The following TRAPPC9 variants were observed in gnomAD, a reference collection of about 807,000 sequenced individuals.
The protein encoded by TRAPPC9 is trafficking protein particle complex subunit 9.
In TRAPPC9, 83 loss-of-function variants were observed where a neutral mutation model predicts 124.0. That is an observed-to-expected ratio of 0.67 (90% confidence interval 0.56 to 0.80). The LOEUF (loss-of-function observed/expected upper bound fraction) is 0.80, where lower values mean the gene tolerates loss of function less well. Ranked by LOEUF, TRAPPC9 falls within the 30% of genes least tolerant of loss-of-function variation. The pLI is 0.00. For synonymous variants in TRAPPC9, 638 were observed against 617.5 expected, an observed-to-expected ratio of 1.03 and a Z score of -0.49; for missense variants, 1,302 against 1,508.3, an observed-to-expected ratio of 0.86 and a Z score of 2.27.
At chr8:140,083,951 G>A (rs534950522) in intron 17 of TRAPPC9, among the ~76,000 whole-genome samples, 5 of 152,054 alleles carry the variant, frequency 3.3e-5, no homozygotes, top group Non-Finnish European at 5.9e-5. Flanking sequence ...AGGCATGAGC[G>A]CCGCACCTGG....
chr8:140,107,762 G>A (rs1041185239), intron 17 of TRAPPC9, among the ~76,000 whole-genome samples: 1 of 152,194 alleles, frequency 6.6e-6, no homozygotes, highest in Admixed American at 6.5e-5. Context: ...ACTGGCCAAG[G>A]GTATGGGCTT....
In TRAPPC9 at chr8:139,747,190, C is replaced by G. The variant is rs952351900; in HGVS notation, c.3056-14988G>C. Among the ~76,000 whole-genome samples, 5 of 152,246 alleles carry G rather than the reference C, an allele frequency of 3.3e-5. No homozygotes were observed. The South Asian group carries it at 1.0e-3, about 32-fold the overall frequency. ...AAAGACTCTCGCCACCCAGGCAGGC[C>G]CCCCGCCCCCACCGCTCTGTGTGGC... On this transcript the variant is annotated intron_variant, in intron 21 of 22. Coordinates refer to ENST00000438773, the MANE Select transcript of TRAPPC9 (RefSeq NM_001160372.4).
intron 17 of TRAPPC9, among the ~76,000 whole-genome samples, chr8:140,188,254 T>A (rs2131061602): frequency 6.6e-6 from 1 of 152,340 alleles, no homozygotes; most frequent in Non-Finnish European, 1.5e-5. Context: ...ATCCCTGGTA[T>A]CCATAAGTAG....
chr8:140,376,892 A>AAT (rs397947948), intron 7 of TRAPPC9, among the ~76,000 whole-genome samples: 1 of 141,354 alleles, frequency 7.1e-6, no homozygotes, highest in African/African-American at 2.7e-5. Context: ...AAAAAAAAAA[A>AAT]TCACAGTGTT....
chr8:140,342,689 G>A (rs1345338835), intron 9 of TRAPPC9, among the ~76,000 whole-genome samples: 2 of 151,942 alleles, frequency 1.3e-5, no homozygotes, highest in African/African-American at 4.8e-5. Flanking sequence ...GCAAATCGAA[G>A]GTCCAAAGAA....
chr8:140,238,213 A>G (rs2063768503), intron 16 of TRAPPC9: 1 of 152,238 alleles, frequency 6.6e-6, no homozygotes. Context: ...CTGATGAATG[A>G]CAAACACCTG....
chr8:139,851,373 A>G (rs1827445058), intron 21 of TRAPPC9, among the ~76,000 whole-genome samples: 1 of 152,198 alleles, frequency 6.6e-6, no homozygotes. Context: ...AACTCAAAAG[A>G]TAGATGCTGA....
At chr8:140,261,849 G>A (rs895186812) in intron 15 of TRAPPC9, among the ~76,000 whole-genome samples, 1 of 152,108 alleles carries the variant, frequency 6.6e-6, no homozygotes, top group Non-Finnish European at 1.5e-5. Flanking sequence ...GGCTTGTAAT[G>A]GAGACATGAA....
At chr8:140,038,864 A>G (rs1365860487) in intron 17 of TRAPPC9, among the ~76,000 whole-genome samples, 1 of 152,228 alleles carries the variant, frequency 6.6e-6, no homozygotes, top group Non-Finnish European at 1.5e-5. Flanking sequence ...TGCAAGCCAC[A>G]GCCTCAGATG....
At position 140,252,333 on chromosome 8, in the gene TRAPPC9, G is replaced by T. The variant is rs2064150512; in HGVS notation, c.2431+444C>A. Among the ~76,000 whole-genome samples the T allele has an allele frequency of 1.3e-5, 2 of 152,040 alleles. No homozygotes were observed. Among genetic ancestry groups the T allele is most frequent in the Non-Finnish European group, 2.9e-5 (2 of 67,986 alleles). The stretch of plus-strand genomic sequence containing the variant: ...GAGCCATCACACCCAGCCAATCTAT[G>T]AAATCTTATCTCTAATCAGTCCTAA... On this transcript the variant is annotated intron_variant, in intron 16 of 22. Transcript: ENST00000438773. This position sits in a 1 kb window ranked among gnomAD's most constrained non-coding sequence, Gnocchi z 4.2.
intron 17 of TRAPPC9, among the ~76,000 whole-genome samples, chr8:140,149,239 C>T (rs887051653): frequency 3.9e-5 from 6 of 152,112 alleles, no homozygotes; most frequent in South Asian, 4.1e-4. Flanking sequence ...ATGGTCAGCA[C>T]GGGCCTAGAA....
intron 17 of TRAPPC9, among the ~76,000 whole-genome samples, chr8:140,211,730 T>C (rs947007595): frequency 2.0e-5 from 3 of 152,236 alleles, no homozygotes; most frequent in Admixed American, 6.5e-5. Flanking sequence ...CTTTACTGCC[T>C]TGCTTTGCCT....
intron 21 of TRAPPC9, among the ~76,000 whole-genome samples, chr8:139,816,045 T>C (rs1563835795): frequency 6.6e-6 from 1 of 152,142 alleles, no homozygotes; most frequent in Admixed American, 6.5e-5. Context: ...GCTTAACCAC[T>C]GGAGAAACTG....
intron 9 of TRAPPC9, among the ~76,000 whole-genome samples, chr8:140,355,559 T>TA (rs2067715571): frequency 1.3e-5 from 2 of 151,800 alleles, no homozygotes; most frequent in Non-Finnish European, 2.9e-5. Context: ...TGGTAGACCT[T>TA]AAAAAGAGAA....
At position 140,024,004 on chromosome 8, in the gene TRAPPC9, G is replaced by C. The variant is rs560367397; in HGVS notation, c.2632C>G (p.Leu878Val). The change falls in exon 18 of 23, where the codon CTG becomes GTG. Residue 878 changes from leucine (L) to valine (V), a missense_variant. This residue lies in a region of TRAPPC9 where 640 missense variants were observed against 679.3 expected (regional missense o/e 0.94). Coordinates refer to ENST00000438773, the MANE Select transcript of TRAPPC9 (RefSeq NM_001160372.4). ...HTEGYYRNLSLGLHVEVEPSV... is the reference protein window; with the variant it reads ...HTEGYYRNLSVGLHVEVEPSV... ...GGCTCGACTTCTACATGCAGCCCCA[G>C]GGAGAGATTCCTGTAATATCCTTCA... 12 of 1,614,170 alleles carry C rather than the reference G, an allele frequency of 7.4e-6. No individual in the cohort carries two copies. The highest frequency in any genetic ancestry group is 1.7e-5 in the Admixed American group (1 of 60,028).
In TRAPPC9 at chr8:139,825,215, G is replaced by T. The variant is rs1825540135; in HGVS notation, c.3055+60664C>A. 6.6e-6 allele frequency among the ~76,000 whole-genome samples: 1 copy of T among 152,320 alleles called. No individual in the cohort carries two copies. Among genetic ancestry groups the T allele is most frequent in the Non-Finnish European group, 1.5e-5 (1 of 68,028 alleles). ...CAAGGCAGAGCTAGAGCCCAACAGG[G>T]CAGCCCACGCAGGGTGGGCAGAGAA... On this transcript the variant is annotated intron_variant, in intron 21 of 22. Transcript: ENST00000438773. The surrounding 1 kb of genome is among the most constrained non-coding windows in gnomAD (Gnocchi z 4.6).
At chr8:139,932,323 GC>G (rs780652731) in intron 19 of TRAPPC9, 9 of 457,276 alleles carry the variant, frequency 2.0e-5, no homozygotes, top group South Asian at 1.4e-4. Flanking sequence ...GTCAGGCTTG[GC>G]CACAGGTCCT....
intron 21 of TRAPPC9, among the ~76,000 whole-genome samples, chr8:139,737,538 C>T (rs1818281634): frequency 7.4e-6 from 1 of 135,476 alleles, no homozygotes; most frequent in South Asian, 2.3e-4. Flanking sequence ...CCACTGTTCT[C>T]TGGGGCTGGC....
chr8:139,996,158 CAAAAAAAAAAAAA>C, intron 18 of TRAPPC9, among the ~76,000 whole-genome samples: 5 of 19,424 alleles, frequency 2.6e-4, no homozygotes, highest in Non-Finnish European at 3.4e-4. Flanking sequence ...AAAACTTAAG[CAAAAAAAAAAAAA>C]AAAAAAAAAA....
Sources: gnomAD v4.1 joint callset for allele counts (sites outside exome capture counted in the v4.1 genomes callset) on GRCh38, gnomAD v4.1.1 for gene constraint, gnomAD v4.1.1 regional missense constraint, Gnocchi (gnomAD v3.1) non-coding constraint, MANE v1.5 for transcripts, NCBI Gene and HGNC (gene_info 2026-07-23, HGNC 2026-07-21) for gene names.